The following FUBP3 variants were observed in gnomAD, a reference collection of about 807,000 sequenced individuals.
FUBP3 encodes the protein far upstream element-binding protein 3.
Under a neutral mutation model 85.6 loss-of-function variants are expected in FUBP3, and 28 were observed. That is an observed-to-expected ratio of 0.33 (90% CI 0.24 to 0.45). The LOEUF is 0.45. FUBP3 is among the 20% of genes least tolerant of loss of function. The pLI is 1.00. For missense variants in FUBP3, 583 were observed against 755.1 expected (o/e 0.77, Z 2.67); for synonymous variants, 271 against 271.4 (o/e 1.00, Z 0.01).
intron 12 of FUBP3, 130 bp from the exon 13 acceptor site, chr9:130,630,498 C>T (rs773927359): frequency 3.3e-6 from 2 of 613,816 alleles, no homozygotes; most frequent in East Asian, 3.2e-5. Context: ...GAGACAACTT[C>T]TCTACTGTCA....
At chr9:130,595,682 G>A in intron 2 of FUBP3, 94 bp downstream of exon 2, 2 of 764,790 alleles carry the variant, frequency 2.6e-6, no homozygotes, top group South Asian at 2.7e-5. Flanking sequence ...ACTCTCTGAA[G>A]TGTCACTCTG....
At chr9:130,604,037 GGAATATCAC>G (rs1430048495) in intron 2 of FUBP3, among the ~76,000 whole-genome samples, 1 of 152,118 alleles carries the variant, frequency 6.6e-6, no homozygotes, top group Non-Finnish European at 1.5e-5. Context: ...GCCATACCGT[GGAATATCAC>G]TCAGCGGTAA....
chr9:130,637,229 T>G lies in FUBP3; in HGVS notation c.*207T>G, dbSNP rs1291767523. The G allele has an allele frequency of 3.4e-6, 2 of 593,446 alleles. No individual in the cohort carries two copies. The highest frequency in any genetic ancestry group is 3.7e-5 in the African/African-American group (2 of 53,794). The allele number at this position is 593,446 out of a possible 1,614,324, so 36.8% of individuals were successfully genotyped here. The stretch of plus-strand genomic sequence containing the variant: ...GATCATTTTTGTTTCATTATTTTTG[T>G]TATTTCAAATGTATAAGCTCTGGGA... On this transcript the variant is annotated 3_prime_UTR_variant, in exon 19 of 19. Coordinates refer to ENST00000319725, the MANE Select transcript of FUBP3 (RefSeq NM_003934.2).
intron 1 of FUBP3, among the ~76,000 whole-genome samples, chr9:130,594,735 G>T (rs1283704207): frequency 6.6e-6 from 1 of 152,162 alleles, no homozygotes; most frequent in Non-Finnish European, 1.5e-5. Flanking sequence ...CTCCAGCCTG[G>T]ATGACAGAGT....
At position 130,614,996 on chromosome 9, in the gene FUBP3, C is replaced by T. The variant is rs1246649849; in HGVS notation, c.404+651C>T. On this transcript the variant is annotated intron_variant, in intron 6 of 18. Transcript: ENST00000319725. ...GACTTAGAGCCTGCTCACTGTCCTT[C>T]AATCTACGGAGCAGCACTGCATTTG... Among the ~76,000 whole-genome samples, 3 of 152,218 alleles carry T rather than the reference C, an allele frequency of 2.0e-5. No individual in the cohort carries two copies. The South Asian group carries it at 6.2e-4, about 31-fold the overall frequency.
rs1588142935 is a variant in FUBP3 at position 130,612,427 on chromosome 9, T to A, written c.225-29T>A. ...TGGCTGCAAAAGTCTGTATTCTGTA[T>A]TTTTTTCCAAAATGTTCTTTGTTTT... On this transcript the variant is annotated intron_variant, in intron 3 of 18. Transcript: ENST00000319725. This position sits in a 1 kb window ranked among gnomAD's most constrained non-coding sequence, Gnocchi z 4.1. 6 of 1,482,394 alleles carry A rather than the reference T, an allele frequency of 4.0e-6. No homozygotes were observed. In the East Asian group the frequency reaches 1.1e-4, roughly 28 times the overall value. 91.8% of individuals were successfully genotyped at this position (1,482,394 alleles called of 1,614,324 possible). A position where few individuals can be genotyped will look rare whatever the true frequency, so the allele number is the denominator to read the frequency against.
chr9:130,636,935 G>A (rs1442270988), intron 18 of FUBP3, 79 bp from the exon 19 acceptor site: 8 of 1,247,570 alleles, frequency 6.4e-6, no homozygotes, highest in East Asian at 4.6e-5. Flanking sequence ...CCCGTGACGC[G>A]AGACCTGGGG....
At chr9:130,582,873 C>T (rs1190479152) in intron 1 of FUBP3, among the ~76,000 whole-genome samples, 1 of 152,230 alleles carries the variant, frequency 6.6e-6, no homozygotes, top group Non-Finnish European at 1.5e-5. Context: ...CTTCCACAAG[C>T]TGGACCAGCT....
chr9:130,595,672 ACT>A (rs1468054043), intron 2 of FUBP3, 84 bp downstream of exon 2: 2 of 773,582 alleles, frequency 2.6e-6, no homozygotes, highest in African/African-American at 3.4e-5. Context: ...TACCTTAACG[ACT>A]CTCTGAAGTG....
intron 1 of FUBP3, among the ~76,000 whole-genome samples, chr9:130,588,127 T>C (rs1001048292): frequency 3.3e-5 from 5 of 152,176 alleles, no homozygotes; most frequent in Non-Finnish European, 7.3e-5. Flanking sequence ...ATATGTTCTT[T>C]CATTTGATGG....
intron 2 of FUBP3, among the ~76,000 whole-genome samples, chr9:130,599,070 A>C (rs933836714): frequency 6.6e-6 from 1 of 152,208 alleles, no homozygotes; most frequent in Admixed American, 6.5e-5. Context: ...AGGCAGGCAA[A>C]TCACGAGGTC....
Position 130,636,058 on chromosome 9 carries a change from G to A in FUBP3, c.1642G>A (p.Ala548Thr), listed in dbSNP as rs745634824. 2 of 1,613,906 alleles carry A rather than the reference G, an allele frequency of 1.2e-6. No homozygotes were observed. The highest frequency in any genetic ancestry group is 1.7e-6 in the Non-Finnish European group (2 of 1,179,902). ...SSPPDYTMAW[A>T]EYYRQQVAFY... The stretch of plus-strand genomic sequence containing the variant: ...CCCACCGGACTACACAATGGCCTGG[G>A]CAGAATATTACAGACAGCAGGTCGC... The change falls in exon 18 of 19, where the codon GCA (alanine) becomes ACA (threonine). Residue 548 changes from alanine to threonine, a missense_variant. By Grantham distance (58) the Ala-to-Thr change is moderately conservative. This residue lies in a region of FUBP3 where 404 missense variants were observed against 516.8 expected (regional missense o/e 0.78). Coordinates refer to ENST00000319725, the MANE Select transcript of FUBP3 (RefSeq NM_003934.2).
At chr9:130,607,321 A>G (rs1288591275) in intron 2 of FUBP3, among the ~76,000 whole-genome samples, 1 of 150,874 alleles carries the variant, frequency 6.6e-6, no homozygotes, top group South Asian at 2.1e-4. Flanking sequence ...TTGGCAGAGT[A>G]TTACTCTTCA....
Position 130,631,552 on chromosome 9 carries a change from C to T in FUBP3, c.1279-5C>T, listed in dbSNP as rs1037833091. On this transcript the variant is annotated splice_region_variant and splice_polypyrimidine_tract_variant and intron_variant, in intron 13 of 18. Transcript: ENST00000319725. ...CGGGTGAGAGCTCCCTCTGTGCCCC[C>T]ACAGGGGACCAATCTCGGAGCACCT... The T allele has an allele frequency of 3.7e-6, 6 of 1,612,412 alleles. No homozygotes were observed. The African/African-American group carries it at 8.0e-5, about 22-fold the overall frequency.
chr9:130,623,123 A>G (rs1248282169), intron 10 of FUBP3, among the ~76,000 whole-genome samples: 1 of 152,150 alleles, frequency 6.6e-6, no homozygotes, highest in East Asian at 1.9e-4. Flanking sequence ...GTAAAATTTT[A>G]AAATATATAT....
Position 130,624,609 on chromosome 9 carries a change from TTGTGTGTGTGTGTGTGTGTG to T in FUBP3, c.975+922_975+941del, listed in dbSNP as rs138986229. On this transcript the variant is annotated intron_variant, in intron 11 of 18. Coordinates refer to ENST00000319725, the MANE Select transcript of FUBP3 (RefSeq NM_003934.2). ...AACTTTCTTAAAATGTTACAAGATT[TTGTGTGTGTGTGTGTGTGTG>T]TGTGTGTGTGTGTGTGTGTGTGTTT... is the stretch of plus-strand genomic sequence containing the variant. Among the ~76,000 whole-genome samples, 110 of 143,970 alleles carry T rather than the reference TTGTGTGTGTGTGTGTGTGTG, an allele frequency of 7.6e-4. 2 individuals are homozygous for T. The highest frequency in any genetic ancestry group is 2.6e-3 in the African/African-American group (100 of 38,766). 94.4% of individuals were successfully genotyped at this position (143,970 alleles called of 152,430 possible).
chr9:130,628,097 C>T (rs112400889), intron 12 of FUBP3, among the ~76,000 whole-genome samples: 25 of 77,116 alleles, frequency 3.2e-4, no homozygotes, highest in African/African-American at 6.1e-4. Context: ...CACGCACGCA[C>T]GCACGCGCAC....
rs116525667 is a variant in FUBP3 at position 130,615,812 on chromosome 9, G to A, written c.405-543G>A. 4.7e-3 allele frequency among the ~76,000 whole-genome samples: 704 copies of A among 148,586 alleles called. 7 individuals carry two copies. The highest frequency in any genetic ancestry group is 0.017 in the African/African-American group (676 of 40,812). ...AACCAAACTGGGATTCATAGCCTTA[G>A]CTTAAAAGTCATAGAGCAGTGTTGT... On this transcript the variant is annotated intron_variant, in intron 6 of 18. Transcript: ENST00000319725.
chr9:130,591,883 A>T (rs922122489), intron 1 of FUBP3, among the ~76,000 whole-genome samples: 1 of 152,338 alleles, frequency 6.6e-6, no homozygotes, highest in African/African-American at 2.4e-5. Flanking sequence ...TGAAACTACT[A>T]CATACGTTAG....
Sources: allele counts gnomAD v4.1 joint callset (sites outside exome capture counted in the v4.1 genomes callset), GRCh38; gene constraint gnomAD v4.1.1; regional missense constraint gnomAD v4.1.1; non-coding constraint Gnocchi (gnomAD v3.1); transcripts MANE v1.5; gene names NCBI Gene and HGNC (gene_info 2026-07-23, HGNC 2026-07-21).